The following DRC8 variants were observed in gnomAD, a reference collection of about 807,000 sequenced individuals.
DRC8 encodes the protein dynein regulatory complex subunit 8.
the DRC8 span, among the ~76,000 whole-genome samples, chr1:245,076,452 TC>T: frequency 2.0e-5 from 3 of 152,362 alleles, no homozygotes; most frequent in East Asian, 5.8e-4. Context: ...AAAGGTAATG[TC>T]TTTTTTATTT....
At chr1:245,010,933 G>A in the DRC8 span, among the ~76,000 whole-genome samples, 161 of 151,970 alleles carry the variant, frequency 1.1e-3, 1 homozygote, top group South Asian at 0.012. Context: ...TGCCTGCCTC[G>A]GCCTCCCAAA....
At chr1:245,061,843 C>A in the DRC8 span, among the ~76,000 whole-genome samples, 1 of 152,214 alleles carries the variant, frequency 6.6e-6, no homozygotes, top group East Asian at 1.9e-4. Context: ...CAGCAGCTCA[C>A]GCCTGCAATC....
At chr1:245,088,955 G>A in the DRC8 span, among the ~76,000 whole-genome samples, 1,148 of 152,246 alleles carry the variant, frequency 7.5e-3, 16 homozygotes, top group African/African-American at 0.026. The surrounding 1 kb of genome is among the most constrained non-coding windows in gnomAD (Gnocchi z 4.6). Context: ...TAAGGATATC[G>A]GGTTAGGTGC....
At chr1:245,100,716 A>G in the DRC8 span, among the ~76,000 whole-genome samples, 1 of 151,876 alleles carries the variant, frequency 6.6e-6, no homozygotes, top group South Asian at 2.1e-4. Context: ...TGGGAGGTTG[A>G]GGCTGCAGTG....
At chr1:245,034,455 G>T in the DRC8 span, among the ~76,000 whole-genome samples, 1 of 151,810 alleles carries the variant, frequency 6.6e-6, no homozygotes, top group East Asian at 1.9e-4. Flanking sequence ...ACCAAAATTA[G>T]CCAGGCATGG....
At chr1:244,981,723 G>A in the DRC8 span, among the ~76,000 whole-genome samples, 1 of 152,186 alleles carries the variant, frequency 6.6e-6, no homozygotes, top group Non-Finnish European at 1.5e-5. Flanking sequence ...GAGGCCTGCA[G>A]TCTTAGGCGG....
the DRC8 span, chr1:245,122,354 T>A: frequency 1.3e-5 from 2 of 155,436 alleles, no homozygotes; most frequent in South Asian, 3.9e-4. Context: ...CGAGGCAGAG[T>A]GACTTAGTAG....
At chr1:245,036,682 G>A in the DRC8 span, among the ~76,000 whole-genome samples, 1 of 152,324 alleles carries the variant, frequency 6.6e-6, no homozygotes, top group African/African-American at 2.4e-5. Flanking sequence ...GTACTGATGT[G>A]TGTTACAACG....
At chr1:245,064,933 T>C in the DRC8 span, among the ~76,000 whole-genome samples, 1 of 152,112 alleles carries the variant, frequency 6.6e-6, no homozygotes, top group Non-Finnish European at 1.5e-5. Context: ...AGGTACCTGG[T>C]GGGCCTTTTC....
the DRC8 span, chr1:245,043,786 T>C: frequency 6.6e-6 from 1 of 152,186 alleles, no homozygotes; most frequent in African/African-American, 2.4e-5. Flanking sequence ...GCGTCAGTGG[T>C]GTGCTGGAGC....
At chr1:245,083,502 T>C in the DRC8 span, 102 of 1,609,204 alleles carry the variant, frequency 6.3e-5, no homozygotes, top group South Asian at 8.1e-4. Flanking sequence ...AACTCCAGCT[T>C]ATATGCATAT....
chr1:245,013,070 C>A, the DRC8 span, among the ~76,000 whole-genome samples: 1 of 152,144 alleles, frequency 6.6e-6, no homozygotes, highest in African/African-American at 2.4e-5. Flanking sequence ...AAAAGCTAAT[C>A]TTTCACTTTG....
the DRC8 span, among the ~76,000 whole-genome samples, chr1:245,047,557 C>T: frequency 2.0e-5 from 3 of 149,122 alleles, no homozygotes; most frequent in East Asian, 6.1e-4. Context: ...ATCGCTTGAA[C>T]CTGGGAGGTG....
At chr1:245,039,665 G>A in the DRC8 span, among the ~76,000 whole-genome samples, 21 of 152,168 alleles carry the variant, frequency 1.4e-4, no homozygotes, top group South Asian at 6.2e-4. Context: ...GCTGTCCTGC[G>A]CTGTTGTCTT....
chr1:245,116,967 TC>T, the DRC8 span, among the ~76,000 whole-genome samples: 1 of 152,270 alleles, frequency 6.6e-6, no homozygotes, highest in East Asian at 1.9e-4. Context: ...AAATTGTTTT[TC>T]TTCATTCTTT....
chr1:245,076,275 G>C, the DRC8 span, among the ~76,000 whole-genome samples: 21,497 of 152,168 alleles, frequency 0.14, 2,193 homozygotes, highest in African/African-American at 0.28. Context: ...TTGACTCTCA[G>C]AGTTCACAAA....
At chr1:244,985,488 G>C in the DRC8 span, among the ~76,000 whole-genome samples, 1 of 152,214 alleles carries the variant, frequency 6.6e-6, no homozygotes, top group Non-Finnish European at 1.5e-5. Flanking sequence ...TGTTAGGCCT[G>C]GTGCTAGATG....
the DRC8 span, among the ~76,000 whole-genome samples, chr1:245,058,235 C>A: frequency 6.6e-6 from 1 of 151,536 alleles, no homozygotes; most frequent in African/African-American, 2.4e-5. Flanking sequence ...AAAGCAAGAC[C>A]CTTTCTAAAA....
the DRC8 span, among the ~76,000 whole-genome samples, chr1:245,009,035 T>TC: frequency 1.6e-5 from 2 of 125,132 alleles, no homozygotes; most frequent in Non-Finnish European, 3.4e-5. Context: ...TTTCTTTTTT[T>TC]TTTTTTTTTT....
Sources: gnomAD v4.1 joint callset for allele counts (sites outside exome capture counted in the v4.1 genomes callset) on GRCh38, gnomAD v4.1.1 for gene constraint, Gnocchi (gnomAD v3.1) non-coding constraint, MANE v1.5 for transcripts, NCBI Gene and HGNC (gene_info 2026-07-23, HGNC 2026-07-21) for gene names.